Variants in DCT observed in about 807,000 individuals in gnomAD.
DCT encodes the protein L-dopachrome tautomerase.
Under a neutral mutation model 53.0 loss-of-function variants are expected in DCT, and 47 were observed. The ratio of observed to expected loss-of-function variants is 0.89; its 90% CI spans 0.70 to 1.13. The LOEUF (loss-of-function observed/expected upper bound fraction) is 1.13, where lower values mean the gene tolerates loss of function less well. DCT is among the 50% of genes most tolerant of loss of function. The pLI is 0.00. For missense variants in DCT, 669 were observed against 637.4 expected (o/e 1.05, Z -0.53); for synonymous variants, 244 against 237.0 (o/e 1.03, Z -0.27).
At chr13:94,526,054 T>G in the DCT span, among the ~76,000 whole-genome samples, 1 of 152,266 alleles carries the variant, frequency 6.6e-6, no homozygotes, top group Non-Finnish European at 1.5e-5. Context: ...TCTGGCCACA[T>G]GTGCTGTCTT....
chr13:94,465,137 C>T (rs947259352), intron 4 of DCT, among the ~76,000 whole-genome samples: 3 of 152,182 alleles, frequency 2.0e-5, no homozygotes, highest in African/African-American at 7.2e-5. Context: ...ACTTCCCACA[C>T]TCAACTGTAA....
intron 2 of DCT, chr13:94,468,445 G>T: frequency 3.8e-6 from 1 of 266,128 alleles, no homozygotes; most frequent in Non-Finnish European, 7.2e-6. Context: ...AAAGGAATTC[G>T]CCTCCACCTC....
chr13:94,482,508 A>G (rs1055882303), upstream of DCT, among the ~76,000 whole-genome samples: 2 of 151,804 alleles, frequency 1.3e-5, no homozygotes, highest in African/African-American at 2.4e-5. Context: ...ACCTTATTTT[A>G]TTTTCTTCAT....
intron 2 of DCT, 75 bp from the exon 3 acceptor site, chr13:94,466,733 T>A: frequency 1.1e-6 from 1 of 920,350 alleles, no homozygotes; most frequent in Non-Finnish European, 1.6e-6. Flanking sequence ...CTGGGCTGTA[T>A]CTATAGAGCC....
chr13:94,481,909 C>T (rs1206233034), upstream of DCT, among the ~76,000 whole-genome samples: 1 of 152,226 alleles, frequency 6.6e-6, no homozygotes, highest in Non-Finnish European at 1.5e-5. Flanking sequence ...TGTGTGCTTT[C>T]CAATGCACTT....
chr13:94,513,550 C>A, the DCT span, among the ~76,000 whole-genome samples: 1 of 152,056 alleles, frequency 6.6e-6, no homozygotes, highest in East Asian at 1.9e-4. Context: ...ACTTACTATG[C>A]CTCTGAGATT....
the DCT span, among the ~76,000 whole-genome samples, chr13:94,495,805 G>C: frequency 6.6e-6 from 1 of 152,272 alleles, no homozygotes; most frequent in African/African-American, 2.4e-5. Flanking sequence ...ATAAGAAGTT[G>C]AACACAATAA....
rs1404318171 is a variant in DCT, at chr13:94,437,197, A to T, written c.*2701T>A. ...GATTATTTTTCAGACTGAGGTTGTT[A>T]TTATATATTTTACATGTATATATAT... On this transcript the variant is annotated 3_prime_UTR_variant, in exon 8 of 8. Transcript: ENST00000377028. 1 of 152,220 alleles carries T rather than the reference A, an allele frequency of 6.6e-6. No individual in the cohort carries two copies. Among genetic ancestry groups the T allele is most frequent in the Admixed American group, 6.5e-5 (1 of 15,272 alleles). The allele number at this position is 152,220 out of a possible 1,614,324, so 9.4% of individuals were successfully genotyped here.
At chr13:94,458,004 T>A (rs1440588081) in intron 6 of DCT, among the ~76,000 whole-genome samples, 1 of 152,076 alleles carries the variant, frequency 6.6e-6, no homozygotes, top group Non-Finnish European at 1.5e-5. Context: ...CCATGACGGA[T>A]CAGGACAAAA....
chr13:94,538,000 T>C, the DCT span, among the ~76,000 whole-genome samples: 32 of 152,212 alleles, frequency 2.1e-4, no homozygotes, highest in Non-Finnish European at 4.4e-4. Flanking sequence ...CTGCTAGTCA[T>C]GTGAATCCTG....
Position 94,437,022 on chromosome 13 carries a change from C to G in DCT, c.*2876G>C, listed in dbSNP as rs1161318275. The G allele has an allele frequency of 7.0e-6, 1 of 142,236 alleles. No homozygotes were observed. Among genetic ancestry groups the G allele is most frequent in the Non-Finnish European group, 1.5e-5 (1 of 65,270 alleles). The allele number at this position is 142,236 out of a possible 1,614,324, so 8.8% of individuals were successfully genotyped here. ...AGTCACTTGAAGCAGCCACCTGCTT[C>G]CACCCCAGGATTAGTCACTAAACTG... is the stretch of plus-strand genomic sequence containing the variant. On this transcript the variant is annotated 3_prime_UTR_variant, in exon 8 of 8. Coordinates refer to ENST00000377028, the MANE Select transcript of DCT (RefSeq NM_001922.5).
At chr13:94,460,764 AAAAAG>A (rs1883730686) in intron 5 of DCT, among the ~76,000 whole-genome samples, 1 of 152,288 alleles carries the variant, frequency 6.6e-6, no homozygotes, top group African/African-American at 2.4e-5. Context: ...TGGCTCTAAA[AAAAAG>A]AAAAAAGAAA....
At chr13:94,473,299 T>C (rs1884872773) in intron 1 of DCT, among the ~76,000 whole-genome samples, 1 of 152,202 alleles carries the variant, frequency 6.6e-6, no homozygotes, top group Admixed American at 6.5e-5. Flanking sequence ...CAATACCTTA[T>C]TATAAAATAG....
chr13:94,501,788 G>A, the DCT span, among the ~76,000 whole-genome samples: 1 of 152,082 alleles, frequency 6.6e-6, no homozygotes, highest in African/African-American at 2.4e-5. Context: ...ATCACAATGT[G>A]GCGCACTAGG....
chr13:94,511,558 C>T, the DCT span, among the ~76,000 whole-genome samples: 25 of 152,138 alleles, frequency 1.6e-4, no homozygotes, highest in Non-Finnish European at 3.2e-4. Flanking sequence ...TGGGGTTTCA[C>T]CATGTTGGCC....
At chr13:94,509,994 C>T in the DCT span, among the ~76,000 whole-genome samples, 1 of 151,784 alleles carries the variant, frequency 6.6e-6, no homozygotes, top group East Asian at 1.9e-4. Context: ...CACACTATTG[C>T]TAATCTGATG....
At chr13:94,520,116 A>G in the DCT span, among the ~76,000 whole-genome samples, 1 of 152,202 alleles carries the variant, frequency 6.6e-6, no homozygotes, top group Non-Finnish European at 1.5e-5. Flanking sequence ...CTGCAAAATT[A>G]AAATTAGAGT....
chr13:94,500,284 C>T, the DCT span, among the ~76,000 whole-genome samples: 202 of 152,300 alleles, frequency 1.3e-3, no homozygotes, highest in African/African-American at 4.6e-3. Context: ...CACAGTTCCA[C>T]GTGGCTGGGG....
chr13:94,535,160 T>C, the DCT span, among the ~76,000 whole-genome samples: 1 of 152,234 alleles, frequency 6.6e-6, no homozygotes, highest in Non-Finnish European at 1.5e-5. Flanking sequence ...GTTTTTAGCT[T>C]GTTAATATAT....
Sources: gnomAD v4.1 joint callset for allele counts (sites outside exome capture counted in the v4.1 genomes callset) on GRCh38, gnomAD v4.1.1 for gene constraint, MANE v1.5 for transcripts, NCBI Gene and HGNC (gene_info 2026-07-23, HGNC 2026-07-21) for gene names.